Variants in COL17A1 observed in about 807,000 individuals in gnomAD.
COL17A1 encodes the protein collagen type XVII alpha 1 chain.
In COL17A1, 181 loss-of-function variants were observed where a neutral mutation model predicts 218.4. The observed-to-expected ratio is 0.83, with a 90% CI of 0.73 to 0.94. The LOEUF (loss-of-function observed/expected upper bound fraction) is 0.94, where lower values mean the gene tolerates loss of function less well. Among genes scored for constraint, COL17A1 ranks in the 40% least tolerant of loss-of-function variants. The pLI is 0.00. For synonymous variants in COL17A1, 721 were observed against 731.0 expected (o/e 0.99, Z 0.22); for missense variants, 1,924 against 1,945.9 (o/e 0.99, Z 0.21).
chr10:104,037,513 G>T, intron 46 of COL17A1, 123 bp downstream of exon 46: 1 of 1,292,520 alleles, frequency 7.7e-7, no homozygotes, highest in Non-Finnish European at 1.1e-6. Flanking sequence ...TTATGAATTC[G>T]GAATTAAAAC....
chr10:104,062,307 C>T lies in COL17A1; in HGVS notation c.861G>A (p.Leu287=). ...SSSVFGMQNN[L]APSLTTLSHG... ...GGGACAGGGTGGTCAAGCTGGGGGC[C>T]AGATTGTTCTGCATGCCAAACACTG... The change falls in exon 12 of 56, where the codon CTG becomes CTA. Residue 287 remains leucine (L), a synonymous_variant. Transcript: ENST00000648076. 1.9e-6 allele frequency: 3 copies of T among 1,614,198 alleles called. No individual in the cohort carries two copies. The highest frequency in any genetic ancestry group is 1.6e-4 in the Middle Eastern group (1 of 6,062).
chr10:104,032,587 G>A, intron 55 of COL17A1, 87 bp downstream of exon 55: 1 of 1,396,074 alleles, frequency 7.2e-7, no homozygotes, highest in Non-Finnish European at 1.0e-6. Context: ...TCTCAGGCTT[G>A]CTCTGGAACA....
chr10:104,052,698 C>T (rs2086482034), intron 23 of COL17A1, among the ~76,000 whole-genome samples: 1 of 152,264 alleles, frequency 6.6e-6, no homozygotes. Flanking sequence ...CTCCACCTTA[C>T]AATTGACTCT....
chr10:104,060,984 A>C (rs2086577205), intron 13 of COL17A1, among the ~76,000 whole-genome samples: 1 of 152,206 alleles, frequency 6.6e-6, no homozygotes, highest in Non-Finnish European at 1.5e-5. Flanking sequence ...CAATGGAGGA[A>C]ACAGCTCACT....
intron 12 of COL17A1, 118 bp downstream of exon 12, chr10:104,062,140 C>T: frequency 5.4e-6 from 8 of 1,484,412 alleles, no homozygotes; most frequent in Non-Finnish European, 7.5e-6. Context: ...AGTGTTGTGT[C>T]TTTGGTGGGA....
chr10:104,078,967 C>T (rs947190771), intron 2 of COL17A1, among the ~76,000 whole-genome samples: 2 of 152,150 alleles, frequency 1.3e-5, no homozygotes, highest in African/African-American at 4.8e-5. Flanking sequence ...TTCTCCTTCC[C>T]CATGGTCTCT....
intron 48 of COL17A1, among the ~76,000 whole-genome samples, chr10:104,035,828 G>T (rs1342493968): frequency 6.6e-6 from 1 of 150,596 alleles, no homozygotes; most frequent in Non-Finnish European, 1.5e-5. Context: ...GTGTGTGTGT[G>T]TATGGGAGTG....
intron 52 of COL17A1, 148 bp from the exon 53 acceptor site, chr10:104,033,523 T>A (rs1589554192): frequency 1.0e-6 from 1 of 961,576 alleles, no homozygotes; most frequent in East Asian, 2.6e-5. Context: ...ACTTCCTTTG[T>A]ATTCCACTGT....
chr10:104,072,093 G>A lies in COL17A1; in HGVS notation c.416-14C>T, dbSNP rs1365439900. On this transcript the variant is annotated splice_polypyrimidine_tract_variant and intron_variant, in intron 7 of 55. Transcript: ENST00000648076. ...GAATTTCACTCTCTGTACAAGGGAA[G>A]AGATAGAGAAGGGTGTGAATGAAGG... The A allele has an allele frequency of 4.3e-6, 7 of 1,614,134 alleles. No individual in the cohort carries two copies. The highest frequency in any genetic ancestry group is 1.1e-5 in the South Asian group (1 of 91,066).
rs377706605 is a variant in COL17A1 at position 104,052,569 on chromosome 10, T to G, written c.1940-352A>C. ...CCCCTGACAAAAGCAGTCTCATAGT[T>G]AAGGATGGAATTGCAACACCTTCCC... On this transcript the variant is annotated intron_variant, in intron 23 of 55. Transcript: ENST00000648076. Among the ~76,000 whole-genome samples, 21 of 152,322 alleles carry G rather than the reference T, an allele frequency of 1.4e-4. No individual in the cohort carries two copies. The East Asian group carries it at 4.0e-3, about 29-fold the overall frequency.
At position 104,039,058 on chromosome 10, in the gene COL17A1, T is replaced by G. The variant is rs752253194; in HGVS notation, c.2947+13A>C. On this transcript the variant is annotated intron_variant, in intron 44 of 55. Coordinates refer to ENST00000648076, the MANE Select transcript of COL17A1 (RefSeq NM_000494.4). ...AGAAGTGGAGAGGAACTTTGGTCAC[T>G]TTCAGTTCTTACCTTCAGAAGGACC... 49 of 1,613,658 alleles carry G rather than the reference T, an allele frequency of 3.0e-5. No homozygotes were observed. The highest frequency in any genetic ancestry group is 3.7e-5 in the Non-Finnish European group (44 of 1,179,690).
At chr10:104,063,864 G>C in intron 10 of COL17A1, 46 bp from the exon 11 acceptor site, 3 of 1,611,632 alleles carry the variant, frequency 1.9e-6, no homozygotes, top group Non-Finnish European at 2.5e-6. Flanking sequence ...ATCTGGCCCA[G>C]ATAGGGATAG....
chr10:104,082,426 A>C (rs1042653667), intron 1 of COL17A1, among the ~76,000 whole-genome samples: 1 of 152,158 alleles, frequency 6.6e-6, no homozygotes, highest in Non-Finnish European at 1.5e-5. Flanking sequence ...ACTTTCTTTT[A>C]AAAAAATAGG....
At position 104,062,278 on chromosome 10, in the gene COL17A1, C is replaced by T. The variant is rs1204157353; in HGVS notation, c.890G>A (p.Gly297Asp). Residue 297 changes from glycine (G) to aspartate (D), a missense_variant, in exon 12 of 56, where the codon GGC becomes GAC. Transcript: ENST00000648076. ...CTGACCTGTGGAAGTGGTGGTGGTG[C>T]CATGGGACAGGGTGGTCAAGCTGGG... is the stretch of plus-strand genomic sequence containing the variant. ...LAPSLTTLSH[G>D]TTTTSTAYGV... 10 of 1,614,056 alleles carry T rather than the reference C, an allele frequency of 6.2e-6. No individual in the cohort carries two copies. Among genetic ancestry groups the T allele is most frequent in the Non-Finnish European group, 8.5e-6 (10 of 1,180,042 alleles).
At chr10:104,077,310 T>G in intron 4 of COL17A1, 112 bp downstream of exon 4, 1 of 811,514 alleles carries the variant, frequency 1.2e-6, no homozygotes, top group African/African-American at 1.7e-5. Context: ...AATTGTCCCT[T>G]TTGTGCACTG....
In COL17A1 at chr10:104,055,796, A is replaced by G; in HGVS notation, c.1673T>C (p.Met558Thr). The G allele has an allele frequency of 6.2e-7, 1 of 1,613,998 alleles. No homozygotes were observed. Residue 558 changes from methionine to threonine, a missense_variant, in exon 18 of 56, where the codon ATG (methionine) becomes ACG (threonine). Transcript: ENST00000648076. ...GATGCTCTCACCATTTTCCTGTTCC[A>G]TCATTAGCTTCTTCCTCACGAACAT... is the stretch of plus-strand genomic sequence containing the variant. ...LWMFVRKKLMMEQENGNLRGS... is the reference protein window; with the variant it reads ...LWMFVRKKLMTEQENGNLRGS...
Position 104,053,078 on chromosome 10 carries a change from G to T in COL17A1, c.1892C>A (p.Pro631His). The change falls in exon 23 of 56, where the codon CCT becomes CAT. Residue 631 changes from proline (P) to histidine (H), a missense_variant. Coordinates refer to ENST00000648076, the MANE Select transcript of COL17A1 (RefSeq NM_000494.4). Reference protein sequence around the residue: ...GQRGREGPMGPRGEAGPPGSG... With the variant: ...GQRGREGPMGHRGEAGPPGSG... The stretch of plus-strand genomic sequence containing the variant: ...TCCAGGAGGCCCTGCCTCACCACGA[G>T]GTCCCATGGGGCCTTCTCGCCCTCT... 1 of 1,614,022 alleles carries T rather than the reference G, an allele frequency of 6.2e-7. No homozygotes were observed. Among genetic ancestry groups the T allele is most frequent in the Non-Finnish European group, 8.5e-7 (1 of 1,180,020 alleles).
chr10:104,034,979 C>G (rs984130106), intron 50 of COL17A1, among the ~76,000 whole-genome samples: 2 of 152,176 alleles, frequency 1.3e-5, no homozygotes, highest in African/African-American at 4.8e-5. Flanking sequence ...CTCCCACTCC[C>G]AATTCTGAGC....
At chr10:104,038,629 CAGG>C in intron 44 of COL17A1, 101 bp from the exon 45 acceptor site, 11 of 1,472,112 alleles carry the variant, frequency 7.5e-6, no homozygotes, top group Non-Finnish European at 1.0e-5. Flanking sequence ...AGGGTCTTCT[CAGG>C]AGGAGAAATA....
Sources: allele counts gnomAD v4.1 joint callset (sites outside exome capture counted in the v4.1 genomes callset), GRCh38; gene constraint gnomAD v4.1.1; transcripts MANE v1.5; gene names NCBI Gene and HGNC (gene_info 2026-07-23, HGNC 2026-07-21).